The following SRFBP1 variants were observed in gnomAD, a reference collection of about 807,000 sequenced individuals.
SRFBP1 encodes serum response factor binding protein 1.
A neutral mutation model predicts 45.5 loss-of-function variants in SRFBP1; 47 were observed. The observed-to-expected ratio is 1.03, with a 90% CI of 0.82 to 1.32. SRFBP1 has a LOEUF of 1.32. Ranked by LOEUF, SRFBP1 falls within the 40% of genes most tolerant of loss-of-function variation. The probability of loss-of-function intolerance (pLI) is 0.00; values close to 1 mark genes in which losing one functional copy is unlikely to be tolerated. For missense variants in SRFBP1, 621 were observed against 484.6 expected, an observed-to-expected ratio of 1.28 and a Z score of -2.64; for synonymous variants, 203 against 166.3, an observed-to-expected ratio of 1.22 and a Z score of -1.70.
chr5:122,012,327 T>C (rs1327409874), intron 4 of SRFBP1, among the ~76,000 whole-genome samples: 1 of 152,124 alleles, frequency 6.6e-6, no homozygotes, highest in Non-Finnish European at 1.5e-5. Flanking sequence ...TTTGACTTTC[T>C]CTTAGAAAGA....
intron 2 of SRFBP1, among the ~76,000 whole-genome samples, chr5:122,057,205 A>G (rs948479282): frequency 5.9e-5 from 9 of 152,350 alleles, no homozygotes; most frequent in African/African-American, 1.9e-4. Context: ...ACACTTGACC[A>G]TAATGGGAGA....
intron 5 of SRFBP1, 107 bp from the exon 6 acceptor site, chr5:122,019,981 A>C: frequency 1.5e-6 from 1 of 673,204 alleles, no homozygotes; most frequent in Non-Finnish European, 2.3e-6. Context: ...ATCAATTCCA[A>C]CTGCCCTCTT....
downstream of SRFBP1, among the ~76,000 whole-genome samples, chr5:122,030,937 T>G (rs185046582): frequency 6.6e-6 from 1 of 152,118 alleles, no homozygotes; most frequent in South Asian, 2.1e-4. Context: ...TCAAGGAGAT[T>G]ATGTACATGC....
chr5:122,030,017 A>G (rs2112719815), downstream of SRFBP1, among the ~76,000 whole-genome samples: 1 of 152,322 alleles, frequency 6.6e-6, no homozygotes, highest in South Asian at 2.1e-4. Context: ...TACACAAGCT[A>G]GTTTCAGAAT....
chr5:122,068,149 G>A (rs982024996), intron 2 of SRFBP1, among the ~76,000 whole-genome samples: 1 of 123,626 alleles, frequency 8.1e-6, no homozygotes, highest in East Asian at 2.7e-4. Flanking sequence ...CACTCTTGAA[G>A]TTTGTTACAG....
At chr5:122,005,207 C>G (rs770066994) in intron 4 of SRFBP1, among the ~76,000 whole-genome samples, 63 of 152,236 alleles carry the variant, frequency 4.1e-4, no homozygotes, top group South Asian at 4.1e-4. Context: ...TATTGATTTT[C>G]TGCCTCGATG....
chr5:121,983,829 A>G (rs1752464480), intron 3 of SRFBP1, among the ~76,000 whole-genome samples: 1 of 151,620 alleles, frequency 6.6e-6, no homozygotes, highest in Non-Finnish European at 1.5e-5. Context: ...GACACTAGTA[A>G]AATTTCTTAG....
At chr5:122,039,227 G>T (rs1753736930) in intron 2 of SRFBP1, among the ~76,000 whole-genome samples, 1 of 152,106 alleles carries the variant, frequency 6.6e-6, no homozygotes, top group South Asian at 2.1e-4. Flanking sequence ...CTGGTGGCAG[G>T]GGAGAAATTT....
chr5:122,008,946 A>G (rs1008098413), intron 4 of SRFBP1, among the ~76,000 whole-genome samples: 2 of 152,204 alleles, frequency 1.3e-5, no homozygotes, highest in African/African-American at 2.4e-5. Context: ...AGGAACCAAG[A>G]TAAAGACCAA....
intron 3 of SRFBP1, among the ~76,000 whole-genome samples, chr5:121,985,307 ATTGTT>A (rs1359552439): frequency 2.0e-5 from 3 of 151,408 alleles, no homozygotes; most frequent in Non-Finnish European, 3.0e-5. Context: ...GTATTGCTTC[ATTGTT>A]TTGTTTTGGT....
chr5:122,065,796 G>T (rs868316871), intron 2 of SRFBP1: 65 of 152,042 alleles, frequency 4.3e-4, no homozygotes, highest in African/African-American at 1.5e-3. Context: ...GTTTGGGGGG[G>T]ACTTGTTTGT....
chr5:122,024,737 A>G (rs1057380085), intron 7 of SRFBP1, among the ~76,000 whole-genome samples: 3 of 152,228 alleles, frequency 2.0e-5, no homozygotes, highest in Non-Finnish European at 4.4e-5. Flanking sequence ...ATATTCACAA[A>G]CACAGGATAA....
intron 4 of SRFBP1, among the ~76,000 whole-genome samples, chr5:122,016,708 ACCTT>A (rs1227661359): frequency 1.3e-5 from 2 of 152,138 alleles, no homozygotes; most frequent in Admixed American, 1.3e-4. Flanking sequence ...ACTAGCAATA[ACCTT>A]CCTTCCTAAA....
intron 4 of SRFBP1, among the ~76,000 whole-genome samples, chr5:121,995,139 G>A (rs1454980671): frequency 3.3e-5 from 5 of 151,430 alleles, no homozygotes; most frequent in Non-Finnish European, 7.4e-5. Flanking sequence ...CCCAGGAATT[G>A]AACTCAGCTC....
intron 2 of SRFBP1, among the ~76,000 whole-genome samples, chr5:122,040,695 GGTT>G (rs1427919656): frequency 6.6e-6 from 1 of 152,072 alleles, no homozygotes; most frequent in African/African-American, 2.4e-5. Context: ...ATAAAGGAGA[GGTT>G]GTCAGGCCCT....
rs1271274858 is a variant in SRFBP1 at position 122,027,039 on chromosome 5, T to A, written c.1203T>A (p.His401Gln). Residue 401 changes from histidine (H) to glutamine (Q), a missense_variant, in exon 8 of 8, where the codon CAT becomes CAA. Coordinates refer to ENST00000339397, the MANE Select transcript of SRFBP1 (RefSeq NM_152546.3). ...NTKQQLQLPLHPSWEASRRRK... is the reference protein window; with the variant it reads ...NTKQQLQLPLQPSWEASRRRK... ...AACAGCAATTGCAGCTGCCTCTTCA[T>A]CCTTCATGGGAAGCAAGCAGAAGGC... 1 of 1,613,000 alleles carries A rather than the reference T, an allele frequency of 6.2e-7. No individual in the cohort carries two copies. The highest frequency in any genetic ancestry group is 8.5e-7 in the Non-Finnish European group (1 of 1,179,760).
intron 2 of SRFBP1, among the ~76,000 whole-genome samples, chr5:122,048,402 A>T (rs956362187): frequency 6.6e-6 from 1 of 152,156 alleles, no homozygotes; most frequent in Non-Finnish European, 1.5e-5. Flanking sequence ...AGCCCACTTG[A>T]TCATGGTGGA....
intron 4 of SRFBP1, among the ~76,000 whole-genome samples, chr5:121,998,646 C>T (rs1752787092): frequency 2.8e-5 from 3 of 105,602 alleles, no homozygotes; most frequent in South Asian, 4.5e-4. Context: ...GCACATGTAC[C>T]CTAAAACTTA....
intron 3 of SRFBP1, among the ~76,000 whole-genome samples, chr5:121,984,796 A>G (rs1439283217): frequency 6.6e-6 from 1 of 151,798 alleles, no homozygotes; most frequent in African/African-American, 2.4e-5. Context: ...CAGAACAGAG[A>G]TATTTTCCAG....
Sources: gnomAD v4.1 joint callset for allele counts (sites outside exome capture counted in the v4.1 genomes callset) on GRCh38, gnomAD v4.1.1 for gene constraint, MANE v1.5 for transcripts, NCBI Gene and HGNC (gene_info 2026-07-23, HGNC 2026-07-21) for gene names.